Variants in TDRP observed in about 807,000 individuals in gnomAD.
TDRP encodes the protein testis development-related protein.
A neutral mutation model predicts 10.5 loss-of-function variants in TDRP; 12 were observed. That is an observed-to-expected ratio of 1.15 (90% CI 0.73 to 1.86). TDRP has a LOEUF of 1.86. Among genes scored for constraint, TDRP ranks in the 40% most tolerant of loss-of-function variants. The probability of loss-of-function intolerance (pLI) is 0.00; values close to 1 mark genes in which losing one functional copy is unlikely to be tolerated. For synonymous variants in TDRP, 139 were observed against 95.4 expected, an observed-to-expected ratio of 1.46 and a Z score of -2.67; for missense variants, 353 against 229.2, an observed-to-expected ratio of 1.54 and a Z score of -3.49.
At chr8:530,073 T>C (rs571497971) in intron 1 of TDRP, among the ~76,000 whole-genome samples, 34 of 152,268 alleles carry the variant, frequency 2.2e-4, no homozygotes, top group African/African-American at 7.7e-4. Context: ...TTTTTTCTGA[T>C]TTGATGAATT....
chr8:545,135 C>A, upstream of TDRP: 1 of 155,590 alleles, frequency 6.4e-6, no homozygotes, highest in Non-Finnish European at 1.4e-5. Context: ...ACCCCGGCCC[C>A]CTCCTCCCAG....
intron 1 of TDRP, among the ~76,000 whole-genome samples, chr8:510,240 G>A (rs141443024): frequency 0.011 from 1,626 of 152,274 alleles, 12 homozygotes; most frequent in Non-Finnish European, 0.016. Context: ...CTTATCCCCA[G>A]AAGTCTGGCA....
chr8:518,167 C>A (rs1312280531), intron 1 of TDRP, among the ~76,000 whole-genome samples: 2 of 152,116 alleles, frequency 1.3e-5, no homozygotes, highest in South Asian at 2.1e-4. Flanking sequence ...ACAAAGGCAC[C>A]GCTCTGGAGA....
chr8:544,155 A>G (rs1802573173), intron 1 of TDRP, among the ~76,000 whole-genome samples: 3 of 152,204 alleles, frequency 2.0e-5, no homozygotes, highest in South Asian at 4.1e-4. Flanking sequence ...ACATTGAGCT[A>G]CGGTCGTCCA....
rs1800927929 is a variant in TDRP at position 490,146 on chromosome 8, A to C, written c.*2253T>G. The C allele has an allele frequency of 6.6e-6, 1 of 152,218 alleles. No individual in the cohort carries two copies. The highest frequency in any genetic ancestry group is 1.5e-5 in the Non-Finnish European group (1 of 68,036). 9.4% of individuals were successfully genotyped at this position (152,218 alleles called of 1,614,324 possible). A position where few individuals can be genotyped will look rare whatever the true frequency, so the allele number is the denominator to read the frequency against. ...AACCACATTCTCCCATTAACTTGTG[A>C]AGATAATAAATTTGCTTTGATAACT... On this transcript the variant is annotated 3_prime_UTR_variant, in exon 3 of 3. Coordinates refer to ENST00000324079, the MANE Select transcript of TDRP (RefSeq NM_001384899.1).
rs576869074 is a variant in TDRP at position 544,830 on chromosome 8, G to C, written c.-73C>G. 1.8e-6 allele frequency: 2 copies of C among 1,102,988 alleles called. No homozygotes were observed. Among genetic ancestry groups the C allele is most frequent in the Non-Finnish European group, 2.3e-6 (2 of 873,596 alleles). The allele number at this position is 1,102,988 out of a possible 1,614,324, so 68.3% of individuals were successfully genotyped here. A position where few individuals can be genotyped will look rare whatever the true frequency, so the allele number is the denominator to read the frequency against. On this transcript the variant is annotated 5_prime_UTR_variant, in exon 1 of 3. Coordinates refer to ENST00000324079, the MANE Select transcript of TDRP (RefSeq NM_001384899.1). ...TCCGCGTCCCTCCCGGCCGCCGGAC[G>C]CTCTGCCTGCGGCTCCTGCGGGACG...
rs1427445133 is a variant in TDRP at position 491,994 on chromosome 8, C to T, written c.*405G>A. ...ATTTTCTAGCAAAAGAAAAGAACTG[C>T]ATGACAGCTGCATTTATACGTGCTA... is the stretch of plus-strand genomic sequence containing the variant. On this transcript the variant is annotated 3_prime_UTR_variant, in exon 3 of 3. Coordinates refer to ENST00000324079, the MANE Select transcript of TDRP (RefSeq NM_001384899.1). 3 of 1,116,886 alleles carry T rather than the reference C, an allele frequency of 2.7e-6. No homozygotes were observed. Among genetic ancestry groups the T allele is most frequent in the Non-Finnish European group, 3.3e-6 (3 of 916,178 alleles). 69.2% of individuals were successfully genotyped at this position (1,116,886 alleles called of 1,614,324 possible).
At chr8:542,416 G>A (rs553945382) in intron 1 of TDRP, among the ~76,000 whole-genome samples, 1 of 151,806 alleles carries the variant, frequency 6.6e-6, no homozygotes, top group African/African-American at 2.4e-5. Flanking sequence ...TGTAACAAAC[G>A]CACCATTCTG....
At chr8:502,178 G>C (rs538458036) in intron 1 of TDRP, among the ~76,000 whole-genome samples, 3 of 152,246 alleles carry the variant, frequency 2.0e-5, no homozygotes, top group Non-Finnish European at 2.9e-5. Context: ...AAAAGGCACA[G>C]AACAGCTTAG....
At chr8:513,176 G>A (rs1801663746) in intron 1 of TDRP, among the ~76,000 whole-genome samples, 1 of 150,520 alleles carries the variant, frequency 6.6e-6, no homozygotes, top group Non-Finnish European at 1.5e-5. Flanking sequence ...CTATTATACT[G>A]ATACCAAAAC....
rs1801014324 is a variant in TDRP at position 492,656 on chromosome 8, T to C, written c.301A>G (p.Lys101Glu). ...NLVLKQNIQSKKPDEIEGWEP... is the reference protein window; with the variant it reads ...NLVLKQNIQSEKPDEIEGWEP... ...CAACCTTCAATTTCATCTGGTTTTT[T>C]AGACTGTATATTCTGTTTTAAAACC... Residue 101 changes from lysine (K) to glutamate (E), a missense_variant, in exon 3 of 3, where the codon AAA becomes GAA. Transcript: ENST00000324079. 8 of 1,613,922 alleles carry C rather than the reference T, an allele frequency of 5.0e-6. No homozygotes were observed. The highest frequency in any genetic ancestry group is 4.0e-5 in the African/African-American group (3 of 74,950).
At chr8:526,353 G>A (rs1421064008) in intron 1 of TDRP, among the ~76,000 whole-genome samples, 1 of 152,118 alleles carries the variant, frequency 6.6e-6, no homozygotes, top group Non-Finnish European at 1.5e-5. Flanking sequence ...CTATGAATCT[G>A]TTGCATATGG....
chr8:523,254 C>A (rs1201776026), intron 1 of TDRP, among the ~76,000 whole-genome samples: 1 of 152,164 alleles, frequency 6.6e-6, no homozygotes, highest in East Asian at 1.9e-4. Context: ...GATAATTTAA[C>A]TTAACCCCGC....
chr8:528,795 T>C (rs13264438), intron 1 of TDRP, among the ~76,000 whole-genome samples: 101,234 of 151,852 alleles, frequency 0.67, 34,090 homozygotes, highest in Middle Eastern at 0.71. Context: ...ATATATTTAT[T>C]TATATATAAC....
intron 1 of TDRP, among the ~76,000 whole-genome samples, chr8:514,527 G>A (rs970483765): frequency 2.1e-4 from 32 of 152,122 alleles, no homozygotes; most frequent in African/African-American, 7.5e-4. Flanking sequence ...CCTCAATGCA[G>A]GGACCAGGAC....
intron 1 of TDRP, among the ~76,000 whole-genome samples, chr8:514,827 C>A (rs915874812): frequency 1.3e-5 from 2 of 152,134 alleles, no homozygotes; most frequent in East Asian, 3.9e-4. Context: ...CTCTCAGCCT[C>A]CTCCCACCCT....
intron 1 of TDRP, among the ~76,000 whole-genome samples, chr8:508,770 C>T (rs1031349199): frequency 1.3e-5 from 2 of 152,146 alleles, no homozygotes; most frequent in Non-Finnish European, 2.9e-5. Flanking sequence ...AACAGTTCCC[C>T]AAAGTCTTAA....
intron 1 of TDRP, among the ~76,000 whole-genome samples, chr8:527,909 G>A (rs1802077157): frequency 1.3e-5 from 2 of 152,036 alleles, no homozygotes; most frequent in African/African-American, 2.4e-5. Context: ...CTGGACAAAT[G>A]GGATCACATC....
chr8:539,176 G>T (rs1453329812), intron 1 of TDRP, among the ~76,000 whole-genome samples: 1 of 152,190 alleles, frequency 6.6e-6, no homozygotes. Context: ...CTCATGTGAT[G>T]GCATGTGCAG....
Sources: gnomAD v4.1 joint callset for allele counts (sites outside exome capture counted in the v4.1 genomes callset) on GRCh38, gnomAD v4.1.1 for gene constraint, MANE v1.5 for transcripts, NCBI Gene and HGNC (gene_info 2026-07-23, HGNC 2026-07-21) for gene names.